Variants in PIP4K2A observed in about 807,000 individuals in gnomAD.
PIP4K2A encodes phosphatidylinositol-5-phosphate 4-kinase type 2 alpha.
A neutral mutation model predicts 42.9 loss-of-function variants in PIP4K2A; 14 were observed. The ratio of observed to expected loss-of-function variants is 0.33; its 90% confidence interval spans 0.22 to 0.51. The LOEUF (loss-of-function observed/expected upper bound fraction) is 0.51, where lower values mean the gene tolerates loss of function less well. PIP4K2A is among the 20% of genes least tolerant of loss of function. The pLI is 0.97. For synonymous variants in PIP4K2A, 192 were observed against 192.2 expected (o/e 1.00, Z 0.01); for missense variants, 434 against 519.8 (o/e 0.83, Z 1.61).
intron 3 of PIP4K2A, among the ~76,000 whole-genome samples, chr10:22,600,350 G>A (rs1410063381): frequency 1.3e-5 from 2 of 152,170 alleles, no homozygotes; most frequent in Middle Eastern, 3.4e-3. Flanking sequence ...TGCCAATACC[G>A]TGCAGAACTC....
In PIP4K2A at chr10:22,637,900, TCA is replaced by T. The variant is rs536697864; in HGVS notation, c.145-28185_145-28184del. 4.6e-5 allele frequency among the ~76,000 whole-genome samples: 7 copies of T among 152,350 alleles called. No homozygotes were observed. In the East Asian group the frequency reaches 1.3e-3, roughly 29 times the overall value. On this transcript the variant is annotated intron_variant, in intron 1 of 9. Coordinates refer to ENST00000376573, the MANE Select transcript of PIP4K2A (RefSeq NM_005028.5). ...ATACTCTAAAACAGATTTTTCAGAGTCACAGAATGATTCTGAATGGATAATCT... is the reference window on the plus strand; with the variant it reads ...ATACTCTAAAACAGATTTTTCAGAGTCAGAATGATTCTGAATGGATAATCT...
intron 1 of PIP4K2A, among the ~76,000 whole-genome samples, chr10:22,649,525 A>G (rs1234635823): frequency 1.3e-5 from 2 of 152,198 alleles, no homozygotes; most frequent in Admixed American, 1.3e-4. Flanking sequence ...CAAGACCAGG[A>G]GAAGAAAACA....
chr10:22,709,999 C>T (rs1340951245), intron 1 of PIP4K2A, among the ~76,000 whole-genome samples: 1 of 150,824 alleles, frequency 6.6e-6, no homozygotes, highest in Non-Finnish European at 1.5e-5. Flanking sequence ...TTCACAGTCA[C>T]TCAAATCACT....
chr10:22,632,404 C>G (rs1343099219), intron 1 of PIP4K2A, among the ~76,000 whole-genome samples: 2 of 152,136 alleles, frequency 1.3e-5, no homozygotes, highest in Non-Finnish European at 2.9e-5. Flanking sequence ...AAAATAAAAA[C>G]AAACATTAAA....
At chr10:22,550,903 C>G in intron 6 of PIP4K2A, 131 bp from the exon 7 acceptor site, 2 of 644,366 alleles carry the variant, frequency 3.1e-6, no homozygotes, top group South Asian at 3.7e-5. Flanking sequence ...CCACAGGGGT[C>G]TTACCCAAAC....
At chr10:22,561,792 C>T (rs1016490610) in intron 6 of PIP4K2A, among the ~76,000 whole-genome samples, 4 of 151,798 alleles carry the variant, frequency 2.6e-5, no homozygotes, top group African/African-American at 4.8e-5. Context: ...CTTGAACTCC[C>T]GAGCTCAGGC....
chr10:22,557,305 A>T (rs540243414), intron 6 of PIP4K2A, among the ~76,000 whole-genome samples: 109 of 152,356 alleles, frequency 7.2e-4, no homozygotes, highest in Non-Finnish European at 1.4e-3. Context: ...CCCAGAACTG[A>T]TAAAAAGGAG....
chr10:22,596,377 C>T (rs547082859), intron 3 of PIP4K2A, among the ~76,000 whole-genome samples: 1 of 152,176 alleles, frequency 6.6e-6, no homozygotes, highest in East Asian at 1.9e-4. Flanking sequence ...TGGTTTAGGA[C>T]ACCTGGGCTG....
At chr10:22,563,687 G>A (rs542703406) in intron 6 of PIP4K2A, among the ~76,000 whole-genome samples, 5 of 152,212 alleles carry the variant, frequency 3.3e-5, no homozygotes, top group Non-Finnish European at 7.4e-5. Context: ...TGCGCTCTGG[G>A]GCTGCTGATC....
chr10:22,584,624 G>A (rs1253347594), intron 4 of PIP4K2A, among the ~76,000 whole-genome samples: 1 of 152,142 alleles, frequency 6.6e-6, no homozygotes, highest in African/African-American at 2.4e-5. Context: ...AATGGCTGAG[G>A]ACATTGGGAA....
intron 1 of PIP4K2A, among the ~76,000 whole-genome samples, chr10:22,663,266 T>C (rs888647719): frequency 6.6e-6 from 1 of 152,214 alleles, no homozygotes; most frequent in African/African-American, 2.4e-5. Context: ...CTGATATATA[T>C]TTGCTAAGGT....
chr10:22,632,861 C>A (rs777748405), intron 1 of PIP4K2A, among the ~76,000 whole-genome samples: 2 of 152,146 alleles, frequency 1.3e-5, no homozygotes, highest in African/African-American at 2.4e-5. Flanking sequence ...AAATATCTTA[C>A]TTGTAGGAAG....
intron 1 of PIP4K2A, among the ~76,000 whole-genome samples, chr10:22,664,250 C>CACAT (rs1554807365): frequency 2.2e-4 from 29 of 129,332 alleles, no homozygotes; most frequent in East Asian, 6.4e-4. Flanking sequence ...CACACACACA[C>CACAT]ATATATATAT....
rs1426392215 is a variant in PIP4K2A at position 22,671,822 on chromosome 10, A to C, written c.144+42361T>G. Among the ~76,000 whole-genome samples the C allele has an allele frequency of 1.1e-4, 17 of 152,182 alleles. No homozygotes were observed. In the East Asian group the frequency reaches 3.3e-3, roughly 29 times the overall value. The stretch of plus-strand genomic sequence containing the variant: ...AGAATATTTTTCTAGCGAAATGCAG[A>C]GACGCTGTTGTTCTTTCATGAAGTA... On this transcript the variant is annotated intron_variant, in intron 1 of 9. Coordinates refer to ENST00000376573, the MANE Select transcript of PIP4K2A (RefSeq NM_005028.5).
At chr10:22,562,279 T>C (rs1170841276) in intron 6 of PIP4K2A, among the ~76,000 whole-genome samples, 1 of 152,206 alleles carries the variant, frequency 6.6e-6, no homozygotes, top group African/African-American at 2.4e-5. Flanking sequence ...CCGGGCGCGG[T>C]GGCTAATGCC....
chr10:22,555,396 C>T (rs1018623355), intron 6 of PIP4K2A, among the ~76,000 whole-genome samples: 2 of 152,194 alleles, frequency 1.3e-5, no homozygotes, highest in African/African-American at 4.8e-5. Context: ...GTGCCTGCCA[C>T]ACAGTGTGTT....
rs145159810 is a variant in PIP4K2A at position 22,536,812 on chromosome 10, G to A, written c.*389C>T. The A allele has an allele frequency of 5.3e-3, 772 of 144,850 alleles. 3 individuals carry two copies. Among genetic ancestry groups the A allele is most frequent in the Middle Eastern group, 0.023 (6 of 262 alleles). The allele number at this position is 144,850 out of a possible 1,614,324, so 9.0% of individuals were successfully genotyped here. A position where few individuals can be genotyped will look rare whatever the true frequency, so the allele number is the denominator to read the frequency against. ...CACTTCCTTCTCCCCTCCCCCACAC[G>A]TGTGTTCATTCACTCACTCACTCAC... On this transcript the variant is annotated 3_prime_UTR_variant, in exon 10 of 10. Transcript: ENST00000376573.
At chr10:22,673,129 C>A (rs1335669837) in intron 1 of PIP4K2A, among the ~76,000 whole-genome samples, 1 of 152,172 alleles carries the variant, frequency 6.6e-6, no homozygotes, top group Non-Finnish European at 1.5e-5. Flanking sequence ...CCCCTGATCC[C>A]CATGGTTATG....
chr10:22,630,462 T>C (rs1043756468), intron 1 of PIP4K2A, among the ~76,000 whole-genome samples: 1 of 152,204 alleles, frequency 6.6e-6, no homozygotes, highest in African/African-American at 2.4e-5. Context: ...GATGTTAAAA[T>C]ACAGAATTAC....
Sources: allele counts gnomAD v4.1 joint callset (sites outside exome capture counted in the v4.1 genomes callset), GRCh38; gene constraint gnomAD v4.1.1; transcripts MANE v1.5; gene names NCBI Gene and HGNC (gene_info 2026-07-23, HGNC 2026-07-21).